The following SEPTIN11 variants were observed in gnomAD, a reference collection of about 807,000 sequenced individuals.
SEPTIN11 encodes septin-11.
SEPTIN11 carries 25 observed loss-of-function variants against 51.4 expected under a neutral mutation model. The ratio of observed to expected loss-of-function variants is 0.49; its 90% CI spans 0.35 to 0.68. SEPTIN11 has a LOEUF of 0.68. Ranked by LOEUF, SEPTIN11 falls within the 30% of genes least tolerant of loss-of-function variation. The probability of loss-of-function intolerance (pLI) is 0.00; values close to 1 mark genes in which losing one functional copy is unlikely to be tolerated. For missense variants in SEPTIN11, 381 were observed against 520.8 expected (o/e 0.73, Z 2.61); for synonymous variants, 174 against 184.1 (o/e 0.95, Z 0.44).
chr4:76,973,930 T>G (rs1349584442), intron 1 of SEPTIN11, among the ~76,000 whole-genome samples: 1 of 152,188 alleles, frequency 6.6e-6, no homozygotes, highest in African/African-American at 2.4e-5. Flanking sequence ...ACTATTTCAA[T>G]ACACCACCAA....
At chr4:76,988,605 C>T (rs1222529465) in intron 1 of SEPTIN11, among the ~76,000 whole-genome samples, 1 of 152,160 alleles carries the variant, frequency 6.6e-6, no homozygotes, top group Non-Finnish European at 1.5e-5. Context: ...AACTCCTGAG[C>T]TTAAGCAAGA....
rs575586009 is a variant in SEPTIN11, at chr4:77,024,523, C to T, written c.953+3853C>T. On this transcript the variant is annotated intron_variant, in intron 7 of 9. Coordinates refer to ENST00000264893, the MANE Select transcript of SEPTIN11 (RefSeq NM_018243.4). This position sits in a 1 kb window ranked among gnomAD's most constrained non-coding sequence, Gnocchi z 4.2. ...ATGAGCCACTCCCTGCTTCCTTTCTCCTGAGAGGCCACAGCGCTTTTCCTA... is the reference window on the plus strand; with the variant it reads ...ATGAGCCACTCCCTGCTTCCTTTCTTCTGAGAGGCCACAGCGCTTTTCCTA... Among the ~76,000 whole-genome samples, 94 of 152,288 alleles carry T rather than the reference C, an allele frequency of 6.2e-4. 1 individual carries two copies. Among genetic ancestry groups the T allele is most frequent in the African/African-American group, 2.3e-3 (94 of 41,554 alleles).
At chr4:77,020,457 C>T in intron 6 of SEPTIN11, 45 bp from the exon 7 acceptor site, 2 of 1,594,140 alleles carry the variant, frequency 1.3e-6, no homozygotes, top group Non-Finnish European at 1.7e-6. Flanking sequence ...ATTTCAGTGA[C>T]ATCATTGCTA....
intron 1 of SEPTIN11, among the ~76,000 whole-genome samples, chr4:76,989,218 G>A (rs879471283): frequency 6.6e-6 from 1 of 152,082 alleles, no homozygotes; most frequent in African/African-American, 2.4e-5. Context: ...TGAGAAAAAT[G>A]TAATCACCAT....
chr4:76,954,767 C>T (rs1311207696), intron 1 of SEPTIN11, among the ~76,000 whole-genome samples: 1 of 152,202 alleles, frequency 6.6e-6, no homozygotes, highest in East Asian at 1.9e-4. Flanking sequence ...GAGCACATCG[C>T]TCAAGCCAAA....
intron 5 of SEPTIN11, among the ~76,000 whole-genome samples, chr4:77,015,990 G>A (rs762680886): frequency 6.6e-6 from 1 of 152,208 alleles, no homozygotes; most frequent in Non-Finnish European, 1.5e-5. Context: ...CCCATCGCCA[G>A]TGGTTTGTAG....
In SEPTIN11 at chr4:77,036,110, G is replaced by C. The variant is rs193214870; in HGVS notation, c.*1598G>C. 1 of 985,794 alleles carries C rather than the reference G, an allele frequency of 1.0e-6. No homozygotes were observed. The allele number at this position is 985,794 out of a possible 1,614,324, so 61.1% of individuals were successfully genotyped here. On this transcript the variant is annotated 3_prime_UTR_variant, in exon 10 of 10. Coordinates refer to ENST00000264893, the MANE Select transcript of SEPTIN11 (RefSeq NM_018243.4). Reference sequence around the variant, plus strand: ...TGTCCTCAACCATACTTAGAGGAAAGAAGGAATGGTCTTCCATGAACTGAT... The same window carrying C: ...TGTCCTCAACCATACTTAGAGGAAACAAGGAATGGTCTTCCATGAACTGAT...
chr4:76,994,317 C>T (rs1723545040), intron 1 of SEPTIN11, among the ~76,000 whole-genome samples: 1 of 152,198 alleles, frequency 6.6e-6, no homozygotes, highest in Admixed American at 6.5e-5. Flanking sequence ...ATGTGGTAAA[C>T]ACCTTAAAAA....
intron 1 of SEPTIN11, among the ~76,000 whole-genome samples, chr4:76,950,332 C>G (rs898399891): frequency 6.6e-6 from 1 of 152,170 alleles, no homozygotes; most frequent in Non-Finnish European, 1.5e-5. Context: ...GCGCTCAGGG[C>G]ATGGGAATTG....
rs369083244 is a variant in SEPTIN11, at chr4:77,026,879, G to T, written c.954-1750G>T. On this transcript the variant is annotated intron_variant, in intron 7 of 9. Transcript: ENST00000264893. ...ATGAATTATTTTATAGTTCTGTTAT[G>T]AGTACACTTCTCTATATCTCCATTG... Among the ~76,000 whole-genome samples the T allele has an allele frequency of 2.0e-5, 3 of 152,090 alleles. No homozygotes were observed. In the South Asian group the frequency reaches 6.2e-4, roughly 32 times the overall value.
intron 2 of SEPTIN11, among the ~76,000 whole-genome samples, chr4:76,998,657 A>G (rs1489180631): frequency 6.6e-6 from 1 of 152,182 alleles, no homozygotes; most frequent in Non-Finnish European, 1.5e-5. Flanking sequence ...GAATTGGGTA[A>G]TTAAGAGCAG....
chr4:76,963,487 C>T (rs1721903542), intron 1 of SEPTIN11, among the ~76,000 whole-genome samples: 1 of 152,210 alleles, frequency 6.6e-6, no homozygotes, highest in Admixed American at 6.5e-5. Context: ...CTGTTGTTTA[C>T]ACCTTCTTCT....
intron 9 of SEPTIN11, among the ~76,000 whole-genome samples, chr4:77,034,153 G>A (rs1011998088): frequency 6.6e-6 from 1 of 152,206 alleles, no homozygotes; most frequent in Admixed American, 6.5e-5. Context: ...CAGTACTAAT[G>A]GGACACCCAA....
intron 1 of SEPTIN11, among the ~76,000 whole-genome samples, chr4:76,952,869 C>T (rs1311472289): frequency 2.0e-5 from 3 of 152,104 alleles, no homozygotes; most frequent in African/African-American, 4.8e-5. Flanking sequence ...GTCCAAATCC[C>T]GGGGCAGCTA....
chr4:77,016,431 A>T (rs969877803), intron 5 of SEPTIN11, among the ~76,000 whole-genome samples: 1 of 149,700 alleles, frequency 6.7e-6, no homozygotes, highest in Non-Finnish European at 1.5e-5. Flanking sequence ...CCATGGACCA[A>T]AGATATTTGG....
intron 1 of SEPTIN11, among the ~76,000 whole-genome samples, chr4:76,988,376 AAC>A (rs1158715090): frequency 6.6e-6 from 1 of 152,234 alleles, no homozygotes; most frequent in Non-Finnish European, 1.5e-5. Flanking sequence ...CTTAGCATTT[AAC>A]ACAGTGTTCT....
Position 77,015,010 on chromosome 4 carries a change from C to T in SEPTIN11, c.680C>T (p.Thr227Ile). 1 of 1,613,394 alleles carries T rather than the reference C, an allele frequency of 6.2e-7. No homozygotes were observed. The highest frequency in any genetic ancestry group is 8.5e-7 in the Non-Finnish European group (1 of 1,179,800). ...GAAACGGTGGCAGAGATTAACGCAA[C>T]AATGAGTGTAAGTCCTCAAGTCAAA... ...DEETVAEINA[T>I]MSVHLPFAVV... is the part of the protein sequence containing the mutation. Residue 227 changes from threonine to isoleucine, a missense_variant, in exon 5 of 10, where the codon ACA becomes ATA. Transcript: ENST00000264893.
intron 2 of SEPTIN11, among the ~76,000 whole-genome samples, 159 bp downstream of exon 2, chr4:76,996,698 T>C (rs932330251): frequency 6.6e-6 from 1 of 152,330 alleles, no homozygotes; most frequent in South Asian, 2.1e-4. Flanking sequence ...TGTCACAAGT[T>C]ATAAAGATTG....
chr4:77,029,978 G>A (rs1366344878), intron 8 of SEPTIN11, among the ~76,000 whole-genome samples: 7 of 152,048 alleles, frequency 4.6e-5, no homozygotes, highest in Admixed American at 4.6e-4. Flanking sequence ...ATTATTTTTG[G>A]CCAGGTGCAG....
Sources: allele counts gnomAD v4.1 joint callset (sites outside exome capture counted in the v4.1 genomes callset), GRCh38; gene constraint gnomAD v4.1.1; non-coding constraint Gnocchi (gnomAD v3.1); transcripts MANE v1.5; gene names NCBI Gene and HGNC (gene_info 2026-07-23, HGNC 2026-07-21).